Variants in AGPAT3 observed in about 807,000 individuals in gnomAD.
The protein encoded by AGPAT3 is 1-acyl-sn-glycerol-3-phosphate acyltransferase gamma.
In AGPAT3, 5 loss-of-function variants were observed where a neutral mutation model predicts 47.3. The observed-to-expected ratio is 0.11, with a 90% confidence interval of 0.06 to 0.22. The LOEUF is 0.22. Ranked by LOEUF, AGPAT3 falls within the 10% of genes least tolerant of loss-of-function variation. AGPAT3 has a pLI of 1.00. For synonymous variants in AGPAT3, 212 were observed against 208.3 expected (o/e 1.02, Z -0.15); for missense variants, 315 against 493.0 (o/e 0.64, Z 3.42).
At chr21:43,974,522 G>T (rs1270925306) in intron 7 of AGPAT3, among the ~76,000 whole-genome samples, 1 of 150,716 alleles carries the variant, frequency 6.6e-6, no homozygotes, top group African/African-American at 2.4e-5. Context: ...GGTATAGTGT[G>T]TCATGTGGTG....
At chr21:43,907,026 T>C (rs946478932) in intron 2 of AGPAT3, among the ~76,000 whole-genome samples, 19 of 148,002 alleles carry the variant, frequency 1.3e-4, no homozygotes, top group Admixed American at 1.3e-3. Context: ...GTTTCTTTTC[T>C]TTCTTTTTTT....
intron 2 of AGPAT3, among the ~76,000 whole-genome samples, chr21:43,938,104 T>A (rs73226943): frequency 4.4e-4 from 35 of 80,120 alleles, no homozygotes; most frequent in African/African-American, 1.2e-3. Context: ...TCTCTCTCTC[T>A]CACACACACA....
intron 2 of AGPAT3, among the ~76,000 whole-genome samples, chr21:43,947,973 A>G (rs966009238): frequency 6.6e-6 from 1 of 152,186 alleles, no homozygotes; most frequent in Non-Finnish European, 1.5e-5. Context: ...GCTGTTTCTC[A>G]CAAATGTATA....
rs2088406765 is a variant in AGPAT3, at chr21:43,955,517, C to T, written c.-48-4117C>T. Among the ~76,000 whole-genome samples the T allele has an allele frequency of 6.6e-6, 1 of 152,116 alleles. No homozygotes were observed. The highest frequency in any genetic ancestry group is 2.0e-4 in the East Asian group (1 of 5,106). ...GATCTCAGCTCACTGCAGCCTCCTC[C>T]TCCCAGGTTCAAGCTATTTTCCTGC... On this transcript the variant is annotated intron_variant, in intron 2 of 9. Transcript: ENST00000291572. The surrounding 1 kb of genome is among the most constrained non-coding windows in gnomAD (Gnocchi z 4.1).
intron 2 of AGPAT3, among the ~76,000 whole-genome samples, chr21:43,938,700 G>T (rs1022195127): frequency 6.6e-6 from 1 of 152,152 alleles, no homozygotes; most frequent in Non-Finnish European, 1.5e-5. Flanking sequence ...TTGCCTTACC[G>T]TGTTTGTTAC....
chr21:43,937,267 G>A (rs546977367), intron 2 of AGPAT3, among the ~76,000 whole-genome samples: 3 of 152,370 alleles, frequency 2.0e-5, no homozygotes, highest in Admixed American at 6.5e-5. Flanking sequence ...CTAGATATGT[G>A]TGAGTCCCAA....
rs192346411 is a variant in AGPAT3 at position 43,880,115 on chromosome 21, A to G, written c.-112+14770A>G. On this transcript the variant is annotated intron_variant, in intron 1 of 9. Transcript: ENST00000291572. The surrounding 1 kb of genome is among the most constrained non-coding windows in gnomAD (Gnocchi z 4.5). ...AGCACTGTGGAAACTCAGGGTGTGG[A>G]CTTGAGCTTCGACATCAGTTGGCAC... is the stretch of plus-strand genomic sequence containing the variant. 8.5e-5 allele frequency among the ~76,000 whole-genome samples: 13 copies of G among 152,314 alleles called. No homozygotes were observed. The highest frequency in any genetic ancestry group is 2.6e-4 in the Admixed American group (4 of 15,312).
chr21:43,865,775 T>G (rs2085491028), intron 1 of AGPAT3, among the ~76,000 whole-genome samples: 1 of 151,302 alleles, frequency 6.6e-6, no homozygotes, highest in African/African-American at 2.4e-5. Context: ...CGGGCCCCGC[T>G]CGGCTCCCCC....
In AGPAT3 at chr21:43,952,421, C is replaced by G. The variant is rs985999081; in HGVS notation, c.-48-7213C>G. 2.6e-5 allele frequency among the ~76,000 whole-genome samples: 4 copies of G among 152,226 alleles called. No individual in the cohort carries two copies. Among genetic ancestry groups the G allele is most frequent in the Admixed American group, 6.5e-5 (1 of 15,290 alleles). ...CTTTGTGGAAGGAACTCAGTTCACCCTAACAAAAGGTGGCAGAATTGGGTG... is the reference window on the plus strand; with the variant it reads ...CTTTGTGGAAGGAACTCAGTTCACCGTAACAAAAGGTGGCAGAATTGGGTG... On this transcript the variant is annotated intron_variant, in intron 2 of 9. Coordinates refer to ENST00000291572, the MANE Select transcript of AGPAT3 (RefSeq NM_020132.5). The surrounding 1 kb of genome is among the most constrained non-coding windows in gnomAD (Gnocchi z 5.6).
intron 1 of AGPAT3, among the ~76,000 whole-genome samples, chr21:43,889,041 T>A (rs1160491338): frequency 6.6e-6 from 1 of 152,206 alleles, no homozygotes; most frequent in Non-Finnish European, 1.5e-5. Context: ...TGTACATTAT[T>A]TCAGATTTTT....
intron 2 of AGPAT3, among the ~76,000 whole-genome samples, chr21:43,928,820 G>A (rs1407278213): frequency 1.3e-5 from 2 of 152,172 alleles, no homozygotes; most frequent in African/African-American, 2.4e-5. Context: ...CAGATGAGGC[G>A]CTGTCTAATT....
chr21:43,905,165 A>G (rs1453265716), intron 2 of AGPAT3, among the ~76,000 whole-genome samples: 15 of 117,358 alleles, frequency 1.3e-4, no homozygotes, highest in Admixed American at 1.1e-3. Context: ...ATATTTATTT[A>G]TTTATTTATT....
At chr21:43,890,820 C>G (rs1289028252) in intron 1 of AGPAT3, among the ~76,000 whole-genome samples, 4 of 152,060 alleles carry the variant, frequency 2.6e-5, no homozygotes, top group Non-Finnish European at 5.9e-5. Context: ...TCACTGCAAC[C>G]TCTACCTCCC....
intron 1 of AGPAT3, among the ~76,000 whole-genome samples, chr21:43,893,161 G>C (rs2086137319): frequency 6.6e-6 from 1 of 152,176 alleles, no homozygotes; most frequent in Admixed American, 6.5e-5. Context: ...TCCATCTGCA[G>C]ATGACTTGCT....
intron 1 of AGPAT3, among the ~76,000 whole-genome samples, chr21:43,899,643 G>A (rs2086307141): frequency 6.6e-6 from 1 of 152,208 alleles, no homozygotes; most frequent in Non-Finnish European, 1.5e-5. Context: ...TGTGGTTCTG[G>A]CTCTTGCCTT....
At chr21:43,921,578 G>A (rs540915604) in intron 2 of AGPAT3, among the ~76,000 whole-genome samples, 1 of 152,340 alleles carries the variant, frequency 6.6e-6, no homozygotes, top group South Asian at 2.1e-4. Flanking sequence ...AGAGCATTCT[G>A]TGTTGAGTGT....
At chr21:43,875,774 A>C in intron 1 of AGPAT3, among the ~76,000 whole-genome samples, 1 of 152,064 alleles carries the variant, frequency 6.6e-6, no homozygotes, top group African/African-American at 2.4e-5. Context: ...TGCCCGGCTA[A>C]TTTTTGTATT....
chr21:43,936,292 C>G (rs376053094), intron 2 of AGPAT3, among the ~76,000 whole-genome samples: 3 of 152,242 alleles, frequency 2.0e-5, no homozygotes, highest in African/African-American at 7.2e-5. Context: ...CAACCCCAGC[C>G]GGGTTCCTCA....
At chr21:43,975,673 C>T (rs1470178103) in intron 7 of AGPAT3, among the ~76,000 whole-genome samples, 1 of 152,262 alleles carries the variant, frequency 6.6e-6, no homozygotes, top group African/African-American at 2.4e-5. Flanking sequence ...GCTGGGAGCA[C>T]TGCGGTTGCC....
Sources: gnomAD v4.1 joint callset for allele counts (sites outside exome capture counted in the v4.1 genomes callset) on GRCh38, gnomAD v4.1.1 for gene constraint, Gnocchi (gnomAD v3.1) non-coding constraint, MANE v1.5 for transcripts, NCBI Gene and HGNC (gene_info 2026-07-23, HGNC 2026-07-21) for gene names.